Variants in IL1R1 observed in about 807,000 individuals in gnomAD.
IL1R1 encodes interleukin 1 receptor type 1, also known as interleukin-1 receptor type 1.
Under a neutral mutation model 50.2 loss-of-function variants are expected in IL1R1, and 22 were observed. That is an observed-to-expected ratio of 0.44 (90% CI 0.31 to 0.63). IL1R1 has a LOEUF of 0.63. Ranked by LOEUF, IL1R1 falls within the 20% of genes least tolerant of loss-of-function variation. The pLI is 0.07. For missense variants in IL1R1, 509 were observed against 676.2 expected (o/e 0.75, Z 2.74); for synonymous variants, 251 against 236.7 (o/e 1.06, Z -0.55).
chr2:102,072,738 T>A (rs1678785887), intron 1 of IL1R1, among the ~76,000 whole-genome samples: 1 of 152,244 alleles, frequency 6.6e-6, no homozygotes, highest in African/African-American at 2.4e-5. Flanking sequence ...TATTTTTCCC[T>A]AAGTTTTCAT....
intron 1 of IL1R1, among the ~76,000 whole-genome samples, chr2:102,146,101 G>A (rs996912474): frequency 3.3e-5 from 5 of 152,078 alleles, no homozygotes; most frequent in Admixed American, 2.0e-4. Flanking sequence ...AGCACAGTTC[G>A]GTAATCATGG....
rs1381940707 is a variant in IL1R1 at position 102,142,923 on chromosome 2, G to A, written c.-181G>A. On this transcript the variant is annotated 5_prime_UTR_variant, in exon 1 of 12. Transcript: ENST00000410023. ...GACAATCGCGCGCCCGCGCACCGAA[G>A]CACTCCTCGCTCGGCTCCTAGGGCT... 1.3e-5 allele frequency: 2 copies of A among 152,252 alleles called. No homozygotes were observed. The highest frequency in any genetic ancestry group is 2.9e-5 in the Non-Finnish European group (2 of 68,032). 9.4% of individuals were successfully genotyped at this position (152,252 alleles called of 1,614,324 possible).
At position 102,124,916 on chromosome 2, in the gene IL1R1, A is replaced by C. The variant is rs191565228; in HGVS notation, c.-84+20044A>C. Among the ~76,000 whole-genome samples the C allele has an allele frequency of 1.2e-4, 18 of 144,332 alleles. No homozygotes were observed. In the East Asian group the frequency reaches 3.5e-3, roughly 28 times the overall value. The allele number at this position is 144,332 out of a possible 152,430, so 94.7% of individuals were successfully genotyped here. On this transcript the variant is annotated intron_variant, in intron 1 of 10. Transcript: ENST00000409329. ...GGGTAACAGAGCAAGACTCTGTCTC[A>C]AAAAATAAAAAAAAATAAGACCTCC... is the stretch of plus-strand genomic sequence containing the variant.
At chr2:102,112,218 G>T (rs1368130132) in intron 1 of IL1R1, among the ~76,000 whole-genome samples, 1 of 151,978 alleles carries the variant, frequency 6.6e-6, no homozygotes, top group South Asian at 2.1e-4. Context: ...ACAGGAGACC[G>T]AGACAAAATA....
At chr2:102,079,300 T>C (rs1317741816) in intron 1 of IL1R1, among the ~76,000 whole-genome samples, 1 of 152,112 alleles carries the variant, frequency 6.6e-6, no homozygotes, top group African/African-American at 2.4e-5. Context: ...AAATTCATAT[T>C]GGAAAAAACC....
chr2:102,100,215 T>A (rs563067555), upstream of IL1R1, among the ~76,000 whole-genome samples: 1 of 152,356 alleles, frequency 6.6e-6, no homozygotes, highest in Admixed American at 6.5e-5. Context: ...TTGCTTCCTT[T>A]GGAAAATGTA....
chr2:102,150,271 C>T (rs941716110), intron 1 of IL1R1, among the ~76,000 whole-genome samples: 1 of 152,196 alleles, frequency 6.6e-6, no homozygotes, highest in African/African-American at 2.4e-5. Context: ...CTCTCCCCAG[C>T]TGTCACTTTT....
Position 102,174,643 on chromosome 2 carries a change from G to A in IL1R1, c.1048G>A (p.Val350Met), listed in dbSNP as rs755505492. The A allele has an allele frequency of 6.2e-7, 1 of 1,611,390 alleles. No individual in the cohort carries two copies. The highest frequency in any genetic ancestry group is 1.1e-5 in the South Asian group (1 of 90,800). ...GICVTLTVII[V>M]CSVFIYKIFK... is the part of the protein sequence containing the mutation. ...ATGTGTCACGTTGACAGTCATAATT[G>A]TGTGTTCTGTTTTCATCTATAAAAT... The change falls in exon 10 of 12, where the codon GTG becomes ATG. Residue 350 changes from valine (V) to methionine (M), a missense_variant. Coordinates refer to ENST00000410023, the MANE Select transcript of IL1R1 (RefSeq NM_000877.4).
At chr2:102,131,657 C>A (rs1194192919) in intron 1 of IL1R1, among the ~76,000 whole-genome samples, 1 of 135,326 alleles carries the variant, frequency 7.4e-6, no homozygotes, top group Non-Finnish European at 1.6e-5. Context: ...TAAAAAAAAA[C>A]CACAGAGGAG....
intron 1 of IL1R1, among the ~76,000 whole-genome samples, chr2:102,125,273 A>G (rs1348863009): frequency 6.6e-6 from 1 of 152,240 alleles, no homozygotes. Flanking sequence ...TGCATCAAGA[A>G]TAATTCTTGT....
chr2:102,134,727 A>G, intron 1 of IL1R1, among the ~76,000 whole-genome samples: 1 of 152,170 alleles, frequency 6.6e-6, no homozygotes, highest in South Asian at 2.1e-4. Flanking sequence ...AAAGCAATCA[A>G]TACTTTCTCA....
intron 10 of IL1R1, among the ~76,000 whole-genome samples, chr2:102,175,092 G>A (rs1003660150): frequency 1.1e-5 from 1 of 95,222 alleles, no homozygotes; most frequent in Non-Finnish European, 1.9e-5. Context: ...CATCAGGGAG[G>A]TTCTCTCTCT....
intron 1 of IL1R1, among the ~76,000 whole-genome samples, chr2:102,145,604 T>A (rs566563746): frequency 4.6e-5 from 7 of 152,086 alleles, no homozygotes; most frequent in African/African-American, 1.7e-4. Flanking sequence ...AAATTAAAAG[T>A]AGGGTAAAAG....
rs964433667 is a variant in IL1R1 at position 102,168,538 on chromosome 2, C to T, written c.656-60C>T. The T allele has an allele frequency of 9.0e-6, 12 of 1,329,434 alleles. No individual in the cohort carries two copies. In the East Asian group the frequency reaches 9.2e-5, roughly 10 times the overall value. 82.4% of individuals were successfully genotyped at this position (1,329,434 alleles called of 1,614,324 possible). The stretch of plus-strand genomic sequence containing the variant: ...TTTAGTATGTTTTGCTAAGTGTTGT[C>T]GTCACTTGAGATTCTGATCTATAAG... On this transcript the variant is annotated intron_variant, in intron 6 of 11. Transcript: ENST00000410023.
At chr2:102,143,508 A>G (rs929103986) in intron 1 of IL1R1, among the ~76,000 whole-genome samples, 2 of 152,198 alleles carry the variant, frequency 1.3e-5, no homozygotes, top group Non-Finnish European at 2.9e-5. Flanking sequence ...ATTATTTACA[A>G]CAGTCATGCC....
At chr2:102,137,122 C>T (rs888997733) in intron 1 of IL1R1, among the ~76,000 whole-genome samples, 1 of 152,140 alleles carries the variant, frequency 6.6e-6, no homozygotes, top group African/African-American at 2.4e-5. Context: ...TGTAATTGGA[C>T]ATTGCTCAGA....
intron 1 of IL1R1, among the ~76,000 whole-genome samples, chr2:102,095,896 G>C (rs1349301842): frequency 6.6e-6 from 1 of 152,018 alleles, no homozygotes; most frequent in East Asian, 1.9e-4. Context: ...CCAGCTACTC[G>C]GGAGGCCGAG....
At chr2:102,087,967 T>G (rs939857237) in intron 1 of IL1R1, among the ~76,000 whole-genome samples, 1 of 152,234 alleles carries the variant, frequency 6.6e-6, no homozygotes, top group East Asian at 1.9e-4. Context: ...GTCATGAGAC[T>G]GCAGCAATTG....
At chr2:102,174,364 C>A (rs757782482) in intron 9 of IL1R1, among the ~76,000 whole-genome samples, 1 of 152,096 alleles carries the variant, frequency 6.6e-6, no homozygotes, top group Admixed American at 6.5e-5. Context: ...GTATATTATG[C>A]TATTTAGGTA....
Sources: gnomAD v4.1 joint callset for allele counts (sites outside exome capture counted in the v4.1 genomes callset) on GRCh38, gnomAD v4.1.1 for gene constraint, MANE v1.5 for transcripts, NCBI Gene and HGNC (gene_info 2026-07-23, HGNC 2026-07-21) for gene names.